C12orf42: variants seen among roughly 807,000 people sequenced by gnomAD.
The protein encoded by C12orf42 is chromosome 12 open reading frame 42, also known as uncharacterized protein C12orf42.
In C12orf42, 25 loss-of-function variants were observed where a neutral mutation model predicts 21.6. The observed-to-expected ratio is 1.16, with a 90% CI of 0.84 to 1.62. C12orf42 has a LOEUF of 1.62. Ranked by LOEUF, C12orf42 falls within the 40% of genes most tolerant of loss-of-function variation. The pLI is 0.00. For missense variants in C12orf42, 483 were observed against 459.3 expected, an observed-to-expected ratio of 1.05 and a Z score of -0.47; for synonymous variants, 174 against 175.0, an observed-to-expected ratio of 0.99 and a Z score of 0.05.
At chr12:103,186,574 G>A in the C12orf42 span, among the ~76,000 whole-genome samples, 1 of 152,250 alleles carries the variant, frequency 6.6e-6, no homozygotes, top group East Asian at 1.9e-4. Flanking sequence ...TCATCATAAG[G>A]ACACTAGAGA....
intron 1 of C12orf42, among the ~76,000 whole-genome samples, chr12:103,492,105 C>T (rs1205415351): frequency 2.6e-5 from 4 of 152,060 alleles, no homozygotes; most frequent in South Asian, 2.1e-4. Context: ...TACAGGCGTG[C>T]GCAACTACGC....
At chr12:103,171,400 G>T in the C12orf42 span, among the ~76,000 whole-genome samples, 1 of 152,104 alleles carries the variant, frequency 6.6e-6, no homozygotes, top group African/African-American at 2.4e-5. Context: ...CTGGATGAGT[G>T]AGTGAATAAA....
chr12:103,196,392 G>A, the C12orf42 span, among the ~76,000 whole-genome samples: 1 of 151,822 alleles, frequency 6.6e-6, no homozygotes, highest in Non-Finnish European at 1.5e-5. Context: ...ACGTACAGAT[G>A]AGAAGAATGT....
chr12:103,495,038 C>A (rs1262232934), intron 1 of C12orf42, among the ~76,000 whole-genome samples: 1 of 152,024 alleles, frequency 6.6e-6, no homozygotes, highest in East Asian at 1.9e-4. Flanking sequence ...AGTGTCAAGG[C>A]CAGCTCTAGA....
intron 2 of C12orf42, among the ~76,000 whole-genome samples, chr12:103,452,457 T>C (rs1952010410): frequency 1.3e-5 from 2 of 152,166 alleles, no homozygotes; most frequent in Admixed American, 1.3e-4. Context: ...CAAAGTCATA[T>C]GGCAAATGGC....
rs148477940 is a variant in C12orf42 at position 103,467,451 on chromosome 12, T to A, written c.78+10898A>T. ...AGTGCACTTTGGAACTGTTCCCATC[T>A]CCAGATACAATTAGAGGAAAGCACT... On this transcript the variant is annotated intron_variant, in intron 2 of 5. Coordinates refer to ENST00000548883, the MANE Select transcript of C12orf42 (RefSeq NM_198521.5). Among the ~76,000 whole-genome samples, 32 of 152,254 alleles carry A rather than the reference T, an allele frequency of 2.1e-4. No individual in the cohort carries two copies. The East Asian group carries it at 6.0e-3, about 28-fold the overall frequency.
At chr12:103,509,485 A>C in the C12orf42 span, among the ~76,000 whole-genome samples, 2 of 152,234 alleles carry the variant, frequency 1.3e-5, no homozygotes, top group African/African-American at 4.8e-5. Flanking sequence ...GGTAAAATAC[A>C]GATGATACTG....
At chr12:103,106,284 A>AC in the C12orf42 span, among the ~76,000 whole-genome samples, 1 of 152,078 alleles carries the variant, frequency 6.6e-6, no homozygotes, top group African/African-American at 2.4e-5. Context: ...TCACTCACAG[A>AC]CCCTCATTGA....
chr12:103,217,261 T>G, the C12orf42 span, among the ~76,000 whole-genome samples: 1 of 152,150 alleles, frequency 6.6e-6, no homozygotes, highest in African/African-American at 2.4e-5. Context: ...GGCTCACACC[T>G]GTAATCTCAG....
At chr12:103,181,449 TG>T in the C12orf42 span, among the ~76,000 whole-genome samples, 15 of 152,154 alleles carry the variant, frequency 9.9e-5, no homozygotes, top group African/African-American at 3.6e-4. Context: ...AACTTTGAAA[TG>T]GGTTACTCAA....
At chr12:103,396,098 G>T (rs575459821) in intron 3 of C12orf42, among the ~76,000 whole-genome samples, 1 of 150,834 alleles carries the variant, frequency 6.6e-6, no homozygotes, top group Non-Finnish European at 1.5e-5. Context: ...TATATAAATA[G>T]TTATAACATA....
upstream of C12orf42, among the ~76,000 whole-genome samples, chr12:103,500,479 G>A (rs924708280): frequency 2.6e-5 from 4 of 151,998 alleles, no homozygotes; most frequent in African/African-American, 9.7e-5. Context: ...AGGAATCCAT[G>A]ACACTCCTGG....
rs989645790 is a variant in C12orf42 at position 103,324,608 on chromosome 12, G to A, written c.260-18263C>T. The stretch of plus-strand genomic sequence containing the variant: ...AAAATGTTCTGTTCATATTTTATGC[G>A]ATTCCATATGTCTCATCCTTACTTC... On this transcript the variant is annotated intron_variant, in intron 4 of 5. Transcript: ENST00000548883. Among the ~76,000 whole-genome samples the A allele has an allele frequency of 5.3e-5, 8 of 152,176 alleles. No homozygotes were observed. The South Asian group carries it at 1.2e-3, about 24-fold the overall frequency.
At chr12:103,369,724 A>G (rs2045017855) in intron 3 of C12orf42, among the ~76,000 whole-genome samples, 1 of 152,086 alleles carries the variant, frequency 6.6e-6, no homozygotes, top group Admixed American at 6.6e-5. Flanking sequence ...TAAGGATCCA[A>G]TTTGATTTAA....
chr12:103,435,470 C>T (rs1436878962), intron 2 of C12orf42, among the ~76,000 whole-genome samples: 2 of 151,976 alleles, frequency 1.3e-5, no homozygotes, highest in East Asian at 3.9e-4. Flanking sequence ...GGGAGGACAT[C>T]CAAACCAAAG....
At chr12:103,523,208 G>T in the C12orf42 span, among the ~76,000 whole-genome samples, 1 of 152,150 alleles carries the variant, frequency 6.6e-6, no homozygotes, top group Non-Finnish European at 1.5e-5. Context: ...GCGGTCTATG[G>T]AGCTATTGTG....
the C12orf42 span, among the ~76,000 whole-genome samples, chr12:103,145,053 C>T: frequency 6.6e-6 from 1 of 152,108 alleles, no homozygotes; most frequent in East Asian, 1.9e-4. Flanking sequence ...CATCTTTTCC[C>T]ATGACTACAC....
the C12orf42 span, among the ~76,000 whole-genome samples, chr12:103,067,449 C>A: frequency 6.6e-6 from 1 of 152,130 alleles, no homozygotes; most frequent in South Asian, 2.1e-4. Flanking sequence ...AGTTACAATG[C>A]CAACTAGGTG....
the C12orf42 span, among the ~76,000 whole-genome samples, chr12:103,055,098 C>T: frequency 6.6e-6 from 1 of 151,870 alleles, no homozygotes; most frequent in Non-Finnish European, 1.5e-5. Context: ...GTTAGAAAAG[C>T]ATTCCTTTCT....
Sources: gnomAD v4.1 joint callset for allele counts (sites outside exome capture counted in the v4.1 genomes callset) on GRCh38, gnomAD v4.1.1 for gene constraint, MANE v1.5 for transcripts, NCBI Gene and HGNC (gene_info 2026-07-23, HGNC 2026-07-21) for gene names.